Variants in RBFOX1 observed in about 807,000 individuals in gnomAD.
The protein encoded by RBFOX1 is RNA binding fox-1 homolog 1.
A neutral mutation model predicts 57.7 loss-of-function variants in RBFOX1; 8 were observed. The ratio of observed to expected loss-of-function variants is 0.14; its 90% CI spans 0.08 to 0.25. RBFOX1 has a LOEUF of 0.25. Ranked by LOEUF, RBFOX1 falls within the 10% of genes least tolerant of loss-of-function variation. The probability of loss-of-function intolerance (pLI) is 1.00; values close to 1 mark genes in which losing one functional copy is unlikely to be tolerated. For synonymous variants in RBFOX1, 326 were observed against 222.4 expected (o/e 1.47, Z -4.15); for missense variants, 611 against 548.5 (o/e 1.11, Z -1.14).
intron 4 of RBFOX1, among the ~76,000 whole-genome samples, chr16:7,203,927 A>G (rs2089318887): frequency 6.6e-6 from 1 of 152,236 alleles, no homozygotes; most frequent in Admixed American, 6.5e-5. Context: ...GCACATTTAC[A>G]TATGATTTGC....
At chr16:5,945,161 A>G (rs928851337) in intron 4 of RBFOX1, among the ~76,000 whole-genome samples, 2 of 152,016 alleles carry the variant, frequency 1.3e-5, no homozygotes, top group Non-Finnish European at 2.9e-5. Flanking sequence ...ACATTGAGCA[A>G]GTCATTACAG....
At chr16:7,491,997 C>G (rs1231164457) in intron 4 of RBFOX1, among the ~76,000 whole-genome samples, 2 of 152,152 alleles carry the variant, frequency 1.3e-5, no homozygotes, top group Non-Finnish European at 2.9e-5. Flanking sequence ...GCTGATAACA[C>G]TCTACTCAGC....
At chr16:7,608,861 C>T (rs1354564557) in intron 10 of RBFOX1, among the ~76,000 whole-genome samples, 1 of 152,164 alleles carries the variant, frequency 6.6e-6, no homozygotes, top group African/African-American at 2.4e-5. Flanking sequence ...AAGTTAGCTG[C>T]ATATTCTGCT....
At chr16:7,129,127 A>C (rs1325173474) in intron 4 of RBFOX1, among the ~76,000 whole-genome samples, 1 of 152,114 alleles carries the variant, frequency 6.6e-6, no homozygotes, top group Admixed American at 6.6e-5. Flanking sequence ...TCATAAAGGT[A>C]ATTAAACTTG....
At chr16:6,641,751 AAAAAAAAAAAAAAAAAAAAAAAAAAAAT>A (rs1176706226) in intron 2 of RBFOX1, among the ~76,000 whole-genome samples, 1 of 19,744 alleles carries the variant, frequency 5.1e-5, no homozygotes, top group African/African-American at 1.8e-4. Flanking sequence ...AAAAAAAAAA[AAAAAAAAAAAAAAAAAAAAAAAAAAAAT>A]AGGTTCTGCC....
intron 1 of RBFOX1, among the ~76,000 whole-genome samples, chr16:5,370,257 A>G (rs2065823547): frequency 6.6e-6 from 1 of 152,140 alleles, no homozygotes; most frequent in Non-Finnish European, 1.5e-5. Flanking sequence ...CATTGAAAGC[A>G]CAACAGACTT....
chr16:6,843,530 T>G (rs1223915141), intron 3 of RBFOX1, among the ~76,000 whole-genome samples: 1 of 150,638 alleles, frequency 6.6e-6, no homozygotes, highest in Admixed American at 6.6e-5. Context: ...GTACTAAAAA[T>G]AAAAAAAAAT....
At position 7,296,379 on chromosome 16, in the gene RBFOX1, A is replaced by G. The variant is rs527551723; in HGVS notation, c.28-221768A>G. Among the ~76,000 whole-genome samples, 9 of 151,980 alleles carry G rather than the reference A, an allele frequency of 5.9e-5. No individual in the cohort carries two copies. In the East Asian group the frequency reaches 1.7e-3, roughly 30 times the overall value. ...GTATGAATGTACTACCTTGGCAAGAAATTTAAAAGCTGTTAATTTTCATGC... is the reference window on the plus strand; with the variant it reads ...GTATGAATGTACTACCTTGGCAAGAGATTTAAAAGCTGTTAATTTTCATGC... On this transcript the variant is annotated intron_variant, in intron 4 of 15. Coordinates refer to ENST00000550418, the MANE Select transcript of RBFOX1 (RefSeq NM_018723.4).
intron 3 of RBFOX1, among the ~76,000 whole-genome samples, chr16:6,713,919 G>C (rs1316972869): frequency 2.0e-5 from 3 of 152,174 alleles, no homozygotes; most frequent in Non-Finnish European, 4.4e-5. Flanking sequence ...TTTCTCAGCT[G>C]GGTTCTGCCA....
Position 7,668,942 on chromosome 16 carries a change from C to T in RBFOX1, c.930+3974C>T, listed in dbSNP as rs751246497. Among the ~76,000 whole-genome samples the T allele has an allele frequency of 3.3e-4, 50 of 152,248 alleles. 1 individual carries two copies. Among genetic ancestry groups the T allele is most frequent in the South Asian group, 1.5e-3 (7 of 4,818 alleles). The stretch of plus-strand genomic sequence containing the variant: ...TTTTTGAGGTGGAATCTCGCTCTGT[C>T]GCCCAGGCTGGAGCACAGTAGCACG... On this transcript the variant is annotated intron_variant, in intron 13 of 15. Transcript: ENST00000550418.
Position 6,982,765 on chromosome 16 carries a change from G to T in RBFOX1, c.-15-69292G>T, listed in dbSNP as rs138685661. 2.4e-3 allele frequency among the ~76,000 whole-genome samples: 369 copies of T among 152,288 alleles called. 2 individuals carry two copies. Among genetic ancestry groups the T allele is most frequent in the African/African-American group, 8.6e-3 (357 of 41,562 alleles). On this transcript the variant is annotated intron_variant, in intron 3 of 15. Coordinates refer to ENST00000550418, the MANE Select transcript of RBFOX1 (RefSeq NM_018723.4). ...CCCAACACTTTGGGAGGTCGAGGCAGGTGGATCACCTGAGGTCAGGAGTTC... is the reference window on the plus strand; with the variant it reads ...CCCAACACTTTGGGAGGTCGAGGCATGTGGATCACCTGAGGTCAGGAGTTC...
intron 3 of RBFOX1, among the ~76,000 whole-genome samples, chr16:6,913,953 G>A (rs1597064680): frequency 6.6e-6 from 1 of 152,166 alleles, no homozygotes; most frequent in African/African-American, 2.4e-5. Context: ...TATAATTATG[G>A]ATGATTTATA....
intron 4 of RBFOX1, among the ~76,000 whole-genome samples, chr16:7,210,313 T>C (rs1268508703): frequency 2.0e-5 from 3 of 152,148 alleles, no homozygotes; most frequent in African/African-American, 7.2e-5. Flanking sequence ...GAAGAGTATG[T>C]TGGCAACTCT....
intron 4 of RBFOX1, among the ~76,000 whole-genome samples, chr16:7,218,572 T>C (rs1225978447): frequency 6.6e-6 from 1 of 151,616 alleles, no homozygotes; most frequent in African/African-American, 2.4e-5. Flanking sequence ...AAAAGTTTTT[T>C]TGAGTGATTT....
rs146442154 is a variant in RBFOX1, at chr16:5,273,765, A to C, written c.219+33660A>C. Among the ~76,000 whole-genome samples, 633 of 152,270 alleles carry C rather than the reference A, an allele frequency of 4.2e-3. 6 individuals carry two copies. The highest frequency in any genetic ancestry group is 0.015 in the African/African-American group (606 of 41,560). ...AGGGTCTTGATATAGCAGATGGCCC[A>C]AAAAAGGCTGATGGATCATGAGCAG... On this transcript the variant is annotated intron_variant, in intron 1 of 2. Coordinates refer to the RBFOX1 transcript ENST00000585867.
chr16:6,981,259 C>T (rs1045397697), intron 3 of RBFOX1, among the ~76,000 whole-genome samples: 4 of 151,782 alleles, frequency 2.6e-5, no homozygotes, highest in Non-Finnish European at 5.9e-5. Context: ...TTGTGATTCT[C>T]CCCTCCTCCC....
At chr16:6,414,300 T>C (rs2093558711) in intron 2 of RBFOX1, among the ~76,000 whole-genome samples, 1 of 152,234 alleles carries the variant, frequency 6.6e-6, no homozygotes, top group Non-Finnish European at 1.5e-5. Context: ...TATGTACTTA[T>C]ATATGTATAT....
intron 4 of RBFOX1, among the ~76,000 whole-genome samples, chr16:5,913,016 C>A (rs572364317): frequency 6.6e-6 from 1 of 152,224 alleles, no homozygotes; most frequent in East Asian, 1.9e-4. Flanking sequence ...TCAGAAGACC[C>A]AAGTCTAAGT....
At position 5,262,686 on chromosome 16, in the gene RBFOX1, T is replaced by C. The variant is rs530638159; in HGVS notation, c.219+22581T>C. Among the ~76,000 whole-genome samples, 7 of 152,196 alleles carry C rather than the reference T, an allele frequency of 4.6e-5. No individual in the cohort carries two copies. In the East Asian group the frequency reaches 1.4e-3, roughly 29 times the overall value. ...GGAGAACCCAGAGTAATATACAAGGTTATATTAGATAAGAGGATGACCCAA... is the reference window on the plus strand; with the variant it reads ...GGAGAACCCAGAGTAATATACAAGGCTATATTAGATAAGAGGATGACCCAA... On this transcript the variant is annotated intron_variant, in intron 1 of 2. Coordinates refer to the RBFOX1 transcript ENST00000585867.
Sources: gnomAD v4.1 joint callset for allele counts (sites outside exome capture counted in the v4.1 genomes callset) on GRCh38, gnomAD v4.1.1 for gene constraint, MANE v1.5 for transcripts, NCBI Gene and HGNC (gene_info 2026-07-23, HGNC 2026-07-21) for gene names.